Variants in LRMDA observed in about 807,000 individuals in gnomAD.
The protein encoded by LRMDA is leucine-rich melanocyte differentiation-associated protein.
In LRMDA, 18 loss-of-function variants were observed where a neutral mutation model predicts 29.8. The ratio of observed to expected loss-of-function variants is 0.60; its 90% CI spans 0.42 to 0.90. The LOEUF is 0.90. Among genes scored for constraint, LRMDA ranks in the 40% least tolerant of loss-of-function variants. The pLI is 0.00. For synonymous variants in LRMDA, 125 were observed against 109.4 expected (o/e 1.14, Z -0.89); for missense variants, 273 against 273.9 (o/e 1.00, Z 0.02).
intron 5 of LRMDA, among the ~76,000 whole-genome samples, chr10:76,309,875 C>A (rs1184989406): frequency 6.6e-6 from 1 of 152,206 alleles, no homozygotes; most frequent in African/African-American, 2.4e-5. Flanking sequence ...TTACTTCTTA[C>A]CCTTCTGGTT....
intron 5 of LRMDA, among the ~76,000 whole-genome samples, chr10:76,078,476 C>T (rs1848997515): frequency 6.6e-6 from 1 of 152,064 alleles, no homozygotes; most frequent in South Asian, 2.1e-4. Flanking sequence ...GGATATTTAT[C>T]TAGAAGATGA....
chr10:75,826,896 A>G (rs1006020067), intron 2 of LRMDA, among the ~76,000 whole-genome samples: 18 of 152,130 alleles, frequency 1.2e-4, no homozygotes, highest in African/African-American at 4.3e-4. Flanking sequence ...TTATGTGTTT[A>G]GTGGTCATAT....
chr10:75,431,664 C>A lies in LRMDA; in HGVS notation c.-61C>A, dbSNP rs1844195976. 2.4e-6 allele frequency: 3 copies of A among 1,242,306 alleles called. No individual in the cohort carries two copies. The highest frequency in any genetic ancestry group is 2.0e-6 in the Non-Finnish European group (2 of 997,458). 77.0% of individuals were successfully genotyped at this position (1,242,306 alleles called of 1,614,324 possible). A position where few individuals can be genotyped will look rare whatever the true frequency, so the allele number is the denominator to read the frequency against. On this transcript the variant is annotated 5_prime_UTR_variant, in exon 1 of 7. Transcript: ENST00000611255. ...GCCCGCCGCGCTCCCCTGCCGCGCT[C>A]CCCGCTGCTGCCGCCGCGCCCCCGC...
chr10:75,692,353 T>C (rs1842176592), intron 2 of LRMDA, among the ~76,000 whole-genome samples: 1 of 147,758 alleles, frequency 6.8e-6, no homozygotes, highest in Non-Finnish European at 1.5e-5. Context: ...ATTGATGGAA[T>C]AGGCCAGGTT....
At chr10:76,334,918 G>T (rs929233329) in intron 6 of LRMDA, among the ~76,000 whole-genome samples, 1 of 152,206 alleles carries the variant, frequency 6.6e-6, no homozygotes, top group Non-Finnish European at 1.5e-5. Flanking sequence ...TGGAGACAAG[G>T]TCCTATGCAG....
At chr10:75,653,192 T>G (rs1329978002) in intron 2 of LRMDA, among the ~76,000 whole-genome samples, 1 of 152,246 alleles carries the variant, frequency 6.6e-6, no homozygotes, top group Non-Finnish European at 1.5e-5. Context: ...GATAAAAGAC[T>G]TAGCCCTCTA....
chr10:76,308,568 C>T (rs1840589314), intron 5 of LRMDA, among the ~76,000 whole-genome samples: 1 of 152,102 alleles, frequency 6.6e-6, no homozygotes, highest in African/African-American at 2.4e-5. Flanking sequence ...AAACCCAGGT[C>T]CTTCTCTGTG....
intron 2 of LRMDA, among the ~76,000 whole-genome samples, chr10:75,676,059 C>A (rs1357994611): frequency 6.6e-6 from 1 of 152,040 alleles, no homozygotes; most frequent in East Asian, 1.9e-4. Flanking sequence ...GTGTCACTCC[C>A]AGGTGTGGTG....
intron 6 of LRMDA, among the ~76,000 whole-genome samples, chr10:76,524,223 T>C (rs934037071): frequency 2.0e-5 from 3 of 152,110 alleles, no homozygotes; most frequent in African/African-American, 7.2e-5. Flanking sequence ...CAGCTTAACT[T>C]TGTGAGCCCC....
chr10:75,544,154 A>G (rs1028979131), intron 2 of LRMDA, among the ~76,000 whole-genome samples: 4 of 152,146 alleles, frequency 2.6e-5, no homozygotes, highest in African/African-American at 7.2e-5. Context: ...CACTCATTTG[A>G]TAAGTTTTGA....
At chr10:76,208,717 C>T (rs1313314853) in intron 5 of LRMDA, among the ~76,000 whole-genome samples, 1 of 152,100 alleles carries the variant, frequency 6.6e-6, no homozygotes, top group African/African-American at 2.4e-5. Context: ...CCATGGAAAA[C>T]CAACCCAGCA....
intron 2 of LRMDA, among the ~76,000 whole-genome samples, chr10:75,538,679 C>T (rs1459916997): frequency 6.6e-6 from 1 of 152,030 alleles, no homozygotes; most frequent in African/African-American, 2.4e-5. Context: ...CTCATCTATG[C>T]CTTTGTTAAC....
At chr10:76,277,391 A>G (rs1228808938) in intron 5 of LRMDA, among the ~76,000 whole-genome samples, 4 of 152,226 alleles carry the variant, frequency 2.6e-5, no homozygotes, top group Non-Finnish European at 4.4e-5. Context: ...TGGAAGAGAT[A>G]GGAGGTAGTG....
At chr10:76,205,563 T>G (rs1268186735) in intron 5 of LRMDA, among the ~76,000 whole-genome samples, 5 of 152,190 alleles carry the variant, frequency 3.3e-5, no homozygotes, top group Non-Finnish European at 7.3e-5. Context: ...TCATTCACAT[T>G]CCAAATTGAT....
intron 5 of LRMDA, among the ~76,000 whole-genome samples, chr10:76,073,935 C>T (rs1848915869): frequency 2.6e-5 from 4 of 152,124 alleles, no homozygotes; most frequent in South Asian, 4.1e-4. Context: ...ATTAGTGGCA[C>T]GAAGTCCTGA....
intron 6 of LRMDA, among the ~76,000 whole-genome samples, chr10:76,332,738 G>T (rs961999941): frequency 1.3e-5 from 2 of 152,070 alleles, no homozygotes; most frequent in Non-Finnish European, 2.9e-5. Context: ...AGTATGATAT[G>T]GTCAGTAAGA....
chr10:76,318,633 C>T (rs1320896774), intron 5 of LRMDA: 1 of 152,604 alleles, frequency 6.6e-6, no homozygotes, highest in Admixed American at 6.5e-5. Context: ...TTGTTTTCCT[C>T]CCAATTTCTT....
chr10:75,796,722 G>A (rs961627910), intron 2 of LRMDA, among the ~76,000 whole-genome samples: 2 of 152,148 alleles, frequency 1.3e-5, no homozygotes, highest in Non-Finnish European at 2.9e-5. Flanking sequence ...ACAAGTGCCT[G>A]CCACCACGCC....
intron 2 of LRMDA, among the ~76,000 whole-genome samples, chr10:75,925,578 G>T (rs1266174207): frequency 6.6e-6 from 1 of 152,256 alleles, no homozygotes; most frequent in Admixed American, 6.5e-5. Context: ...TTTCCAAAGA[G>T]ATAATTATGT....
Sources: allele counts gnomAD v4.1 joint callset (sites outside exome capture counted in the v4.1 genomes callset), GRCh38; gene constraint gnomAD v4.1.1; transcripts MANE v1.5; gene names NCBI Gene and HGNC (gene_info 2026-07-23, HGNC 2026-07-21).